The following AHRR variants were observed in gnomAD, a reference collection of about 807,000 sequenced individuals.
AHRR encodes aryl hydrocarbon receptor repressor.
In AHRR, 28 loss-of-function variants were observed where a neutral mutation model predicts 44.0. That is an observed-to-expected ratio of 0.64 (90% CI 0.47 to 0.87). The LOEUF (loss-of-function observed/expected upper bound fraction) is 0.87. Ranked by LOEUF, AHRR falls within the 40% of genes least tolerant of loss-of-function variation. The pLI, the probability that AHRR is intolerant of heterozygous loss-of-function variation, is 0.00. For missense variants in AHRR, 990 were observed against 953.9 expected, an observed-to-expected ratio of 1.04 and a Z score of -0.50; for synonymous variants, 434 against 407.0, an observed-to-expected ratio of 1.07 and a Z score of -0.80.
chr5:427,534 A>C, intron 7 of AHRR: 1 of 1,386,234 alleles, frequency 7.2e-7, no homozygotes, highest in Non-Finnish European at 1.0e-6. Context: ...GAACAGGCAC[A>C]CACGCGGGAA....
rs186350963 is a variant in AHRR at position 434,224 on chromosome 5, C to A, written c.1484C>A (p.Pro495His). The A allele has an allele frequency of 6.3e-6, 10 of 1,591,012 alleles. No homozygotes were observed. The highest frequency in any genetic ancestry group is 7.7e-6 in the Non-Finnish European group (9 of 1,168,656). ...QRSLQHQLPQ[P>H]GAQRFATRGY... is the part of the protein sequence containing the mutation. Reference sequence around the variant, plus strand: ...AGCCTGCAGCACCAGCTCCCTCAGCCTGGAGCTCAGCGTTTTGCCACGAGG... The same window carrying A: ...AGCCTGCAGCACCAGCTCCCTCAGCATGGAGCTCAGCGTTTTGCCACGAGG... The change falls in exon 11 of 11, where the codon CCT (proline) becomes CAT (histidine). Residue 495 changes from proline (P) to histidine (H), a missense_variant. By Grantham distance (77) the Pro-to-His change is moderately conservative. Coordinates refer to ENST00000684583, the MANE Select transcript of AHRR (RefSeq NM_001377236.1).
At chr5:359,777 C>T (rs564669812) in intron 3 of AHRR, among the ~76,000 whole-genome samples, 19 of 152,312 alleles carry the variant, frequency 1.2e-4, no homozygotes, top group African/African-American at 4.1e-4. Flanking sequence ...CGGGCACATC[C>T]GCTTCACCCC....
intron 2 of AHRR, among the ~76,000 whole-genome samples, chr5:344,699 G>C (rs1317710833): frequency 6.1e-4 from 12 of 19,518 alleles, no homozygotes; most frequent in Non-Finnish European, 9.4e-4. Flanking sequence ...TGAGGCTGTG[G>C]GGGGCTGTGT....
intron 5 of AHRR, among the ~76,000 whole-genome samples, chr5:414,778 TAGAG>T (rs776613485): frequency 6.6e-6 from 1 of 151,938 alleles, no homozygotes; most frequent in South Asian, 2.1e-4. Context: ...CTTTGAAAAA[TAGAG>T]AGTAGTATAT....
chr5:415,443 G>C lies in AHRR; in HGVS notation c.441+2010G>C, dbSNP rs1278559393. ...CTAGGGGCCGAATCTGCCTGGTCGGGCGGGAGGCCTAGGGGCCGAGTCTGC... is the reference window on the plus strand; with the variant it reads ...CTAGGGGCCGAATCTGCCTGGTCGGCCGGGAGGCCTAGGGGCCGAGTCTGC... On this transcript the variant is annotated intron_variant, in intron 5 of 10. Transcript: ENST00000684583. Among the ~76,000 whole-genome samples, 540 of 88,972 alleles carry C rather than the reference G, an allele frequency of 6.1e-3. 4 individuals are homozygous for C. Among genetic ancestry groups the C allele is most frequent in the African/African-American group, 0.018 (255 of 13,946 alleles). 58.4% of individuals were successfully genotyped at this position (88,972 alleles called of 152,430 possible). A position where few individuals can be genotyped will look rare whatever the true frequency, so the allele number is the denominator to read the frequency against.
chr5:325,064 A>G (rs543481900), intron 1 of AHRR, among the ~76,000 whole-genome samples: 2 of 152,222 alleles, frequency 1.3e-5, no homozygotes, highest in Non-Finnish European at 2.9e-5. Flanking sequence ...GAGGAGGGCA[A>G]CGAGGCTTCC....
At chr5:426,333 T>C (rs1310596458) in intron 7 of AHRR, among the ~76,000 whole-genome samples, 1 of 112,768 alleles carries the variant, frequency 8.9e-6, no homozygotes, top group Non-Finnish European at 2.3e-5. Context: ...AGGAAGATGA[T>C]GGATGGATGG....
chr5:403,219 G>A (rs180942567), intron 4 of AHRR, among the ~76,000 whole-genome samples: 11 of 152,314 alleles, frequency 7.2e-5, no homozygotes, highest in Admixed American at 2.6e-4. Context: ...GGGAGTGGGG[G>A]TGAGTGTTTA....
chr5:402,465 G>A (rs1035650629), intron 4 of AHRR, among the ~76,000 whole-genome samples: 10 of 128,622 alleles, frequency 7.8e-5, no homozygotes, highest in Non-Finnish European at 6.8e-5. Context: ...GAAGGCAGTC[G>A]TTGTTGAGGG....
At position 404,131 on chromosome 5, in the gene AHRR, G is replaced by GTC. The variant is rs1186494932; in HGVS notation, c.352-9206_352-9205dup. Reference sequence around the variant, plus strand: ...TCCAGGTTTGGGGTTACCCTTCTCCGTCTCTCTCAGCCTCAGCCGTTCCTG... The same window carrying GTC: ...TCCAGGTTTGGGGTTACCCTTCTCCGTCTCTCTCTCAGCCTCAGCCGTTCCTG... On this transcript the variant is annotated intron_variant, in intron 4 of 10. Transcript: ENST00000684583. This position sits in a 1 kb window ranked among gnomAD's most constrained non-coding sequence, Gnocchi z 4.1. The GTC allele has an allele frequency of 1.8e-6, 1 of 546,554 alleles. No homozygotes were observed. The highest frequency in any genetic ancestry group is 3.5e-6 in the Non-Finnish European group (1 of 286,578). 33.9% of individuals were successfully genotyped at this position (546,554 alleles called of 1,614,324 possible).
chr5:336,176 C>T (rs1742111942), intron 1 of AHRR, among the ~76,000 whole-genome samples: 1 of 152,216 alleles, frequency 6.6e-6, no homozygotes, highest in South Asian at 2.1e-4. Flanking sequence ...CAGATTTAGT[C>T]TCCTGTGTCA....
intron 4 of AHRR, among the ~76,000 whole-genome samples, chr5:397,163 C>T (rs1306886517): frequency 8.9e-6 from 1 of 112,118 alleles, no homozygotes; most frequent in Non-Finnish European, 1.9e-5. Flanking sequence ...TGACCATCCA[C>T]GTAGCTCCTG....
At chr5:412,054 G>A (rs529257106) in intron 4 of AHRR, among the ~76,000 whole-genome samples, 3 of 152,302 alleles carry the variant, frequency 2.0e-5, no homozygotes, top group South Asian at 2.1e-4. Context: ...TGCGAGGCTC[G>A]CTGCTCAAAT....
chr5:353,385 G>A (rs1381690041), intron 2 of AHRR, among the ~76,000 whole-genome samples: 2 of 152,096 alleles, frequency 1.3e-5, no homozygotes, highest in Non-Finnish European at 2.9e-5. Context: ...GGGGCCAGGC[G>A]TCCTCCTCCC....
intron 1 of AHRR, among the ~76,000 whole-genome samples, chr5:343,311 A>G (rs6894181): frequency 1.4e-3 from 193 of 133,212 alleles, no homozygotes; most frequent in African/African-American, 4.8e-3. Flanking sequence ...AGAACCCCAC[A>G]TACCCTCTCA....
Position 374,979 on chromosome 5 carries a change from G to A in AHRR, c.245-1631G>A, listed in dbSNP as rs545819836. ...TGGTCCTGTGGGTCTGGGGGCTGCC[G>A]GCCCAGGGACTGTGGGGTGAGGAGA... On this transcript the variant is annotated intron_variant, in intron 3 of 10. Transcript: ENST00000684583. Among the ~76,000 whole-genome samples the A allele has an allele frequency of 1.5e-3, 234 of 152,264 alleles. 1 individual carries two copies. The highest frequency in any genetic ancestry group is 3.4e-3 in the Middle Eastern group (1 of 294).
rs903120238 is a variant in AHRR at position 404,298 on chromosome 5, G to A, written c.352-9046G>A. 12 of 486,926 alleles carry A rather than the reference G, an allele frequency of 2.5e-5. No homozygotes were observed. The highest frequency in any genetic ancestry group is 1.0e-4 in the East Asian group (2 of 19,252). 30.2% of individuals were successfully genotyped at this position (486,926 alleles called of 1,614,324 possible). The stretch of plus-strand genomic sequence containing the variant: ...TTCTCATCAAACATGTGAATAATTC[G>A]CTAATTTTTCTTCCAGTGTTACTAA... On this transcript the variant is annotated intron_variant, in intron 4 of 10. Transcript: ENST00000684583. This position sits in a 1 kb window ranked among gnomAD's most constrained non-coding sequence, Gnocchi z 4.1.
intron 2 of AHRR, among the ~76,000 whole-genome samples, chr5:350,868 G>A (rs1478853493): frequency 1.3e-5 from 2 of 151,072 alleles, no homozygotes; most frequent in African/African-American, 4.9e-5. Flanking sequence ...TAAGGGCCTG[G>A]TATCCAGAGT....
At chr5:431,071 A>G (rs1736703354) in intron 8 of AHRR, among the ~76,000 whole-genome samples, 1 of 152,200 alleles carries the variant, frequency 6.6e-6, no homozygotes, top group South Asian at 2.1e-4. Context: ...TCCACTGCAC[A>G]TGGCAAGCCC....
Sources: allele counts gnomAD v4.1 joint callset (sites outside exome capture counted in the v4.1 genomes callset), GRCh38; gene constraint gnomAD v4.1.1; non-coding constraint Gnocchi (gnomAD v3.1); transcripts MANE v1.5; gene names NCBI Gene and HGNC (gene_info 2026-07-23, HGNC 2026-07-21).